BNIP2: variants seen among roughly 807,000 people sequenced by gnomAD.
BNIP2 encodes BCL2/adenovirus E1B 19 kDa protein-interacting protein 2.
Under a neutral mutation model 43.4 loss-of-function variants are expected in BNIP2, and 36 were observed. The ratio of observed to expected loss-of-function variants is 0.83; its 90% CI spans 0.64 to 1.10. The LOEUF (loss-of-function observed/expected upper bound fraction) is 1.10, where lower values mean the gene tolerates loss of function less well. BNIP2 is among the 50% of genes least tolerant of loss of function. BNIP2 has a pLI of 0.00. For missense variants in BNIP2, 417 were observed against 374.1 expected (o/e 1.11, Z -0.95); for synonymous variants, 146 against 121.0 (o/e 1.21, Z -1.35).
chr15:59,680,151 C>G, intron 3 of BNIP2, 90 bp downstream of exon 3: 4 of 991,928 alleles, frequency 4.0e-6, no homozygotes, highest in Non-Finnish European at 5.6e-6. Context: ...AATAAAAACT[C>G]AAGTTTTTTT....
At chr15:59,680,154 GTT>G (rs373856422) in intron 3 of BNIP2, 85 bp downstream of exon 3, 2,057 of 808,188 alleles carry the variant, frequency 2.5e-3, no homozygotes, top group South Asian at 4.3e-3. Context: ...AAAAACTCAA[GTT>G]TTTTTTTTTT....
In BNIP2 at chr15:59,678,065, A is replaced by C. The variant is rs755716391; in HGVS notation, c.318T>G (p.Thr106=). The C allele has an allele frequency of 2.7e-5, 44 of 1,603,818 alleles. No individual in the cohort carries two copies. Among genetic ancestry groups the C allele is most frequent in the Non-Finnish European group, 3.7e-5 (44 of 1,177,510 alleles). The change falls in exon 5 of 10, where the codon ACT becomes ACG. Residue 106 remains threonine (T), a synonymous_variant. Coordinates refer to ENST00000607373, the MANE Select transcript of BNIP2 (RefSeq NM_004330.4). ...TTGAGCCTTTCCTAATTACTTCAGT[A>C]GTCTTGGGTTTTGGAAGATCATCTG... The part of the protein sequence containing the change: ...EWEDDLPKPK[T]TEVIRKGSIT...
At position 59,678,021 on chromosome 15, in the gene BNIP2, G is replaced by C; in HGVS notation, c.362C>G (p.Ala121Gly). 1 of 1,613,904 alleles carries C rather than the reference G, an allele frequency of 6.2e-7. No individual in the cohort carries two copies. The highest frequency in any genetic ancestry group is 8.5e-7 in the Non-Finnish European group (1 of 1,179,872). The change falls in exon 5 of 10, where the codon GCA becomes GGA. Residue 121 changes from alanine (A) to glycine (G), a missense_variant. Coordinates refer to ENST00000607373, the MANE Select transcript of BNIP2 (RefSeq NM_004330.4). Reference protein sequence around the residue: ...RKGSITEYTAAEEKEDGRRWR... With the variant: ...RKGSITEYTAGEEKEDGRRWR... ...GCGTCGTCCATCTTCTTTTTCCTCT[G>C]CTGCTGTGTATTCAGTAATTGAGCC...
At chr15:59,681,958 T>A (rs1013065227) in intron 2 of BNIP2, among the ~76,000 whole-genome samples, 1 of 151,532 alleles carries the variant, frequency 6.6e-6, no homozygotes, top group Non-Finnish European at 1.5e-5. Context: ...GAAAGTAAGA[T>A]ACAAGAGAAT....
intron 9 of BNIP2, 87 bp from the exon 10 acceptor site, chr15:59,664,207 T>G: frequency 1.2e-6 from 1 of 858,602 alleles, no homozygotes. Context: ...CATAGAATAT[T>G]ACTCTGTTAA....
intron 1 of BNIP2, 65 bp downstream of exon 1, chr15:59,689,070 C>T: frequency 6.7e-7 from 1 of 1,497,928 alleles, no homozygotes; most frequent in Non-Finnish European, 8.9e-7. Flanking sequence ...CAGACTTTCG[C>T]CCCTAGGCCG....
Position 59,678,002 on chromosome 15 carries a change from T to C in BNIP2, c.381A>G (p.Gly127=). Residue 127 remains glycine (G), a synonymous_variant, in exon 5 of 10, where the codon GGA becomes GGG. Coordinates refer to ENST00000607373, the MANE Select transcript of BNIP2 (RefSeq NM_004330.4). ...CAATCCTGAACATACGCCAGCGTCGTCCATCTTCTTTTTCCTCTGCTGCTG... is the reference window on the plus strand; with the variant it reads ...CAATCCTGAACATACGCCAGCGTCGCCCATCTTCTTTTTCCTCTGCTGCTG... ...EYTAAEEKED[G]RRWRMFRIGE... The C allele has an allele frequency of 2.5e-6, 4 of 1,614,010 alleles. No individual in the cohort carries two copies. Among genetic ancestry groups the C allele is most frequent in the Non-Finnish European group, 3.4e-6 (4 of 1,179,870 alleles).
At chr15:59,670,243 C>A (rs773900806) in intron 7 of BNIP2, among the ~76,000 whole-genome samples, 2 of 152,114 alleles carry the variant, frequency 1.3e-5, no homozygotes, top group Non-Finnish European at 2.9e-5. Context: ...CCAGCCTGGG[C>A]AACATGTCAA....
At chr15:59,666,854 GAC>G (rs1892598390) in intron 9 of BNIP2, among the ~76,000 whole-genome samples, 2 of 151,560 alleles carry the variant, frequency 1.3e-5, no homozygotes, top group African/African-American at 4.8e-5. Flanking sequence ...ATAAAATAGT[GAC>G]AGGTTTCAAA....
chr15:59,677,959 C>T lies in BNIP2; in HGVS notation c.424G>A (p.Val142Ile). ...MFRIGEQDHR[V>I]DMKAIEPYKK... ...TAGGGTTCAATTGCCTTCATATCAA[C>T]CCTGTGGTCCTGTTCTCCAATCCTG... Residue 142 changes from valine to isoleucine, a missense_variant, in exon 5 of 10, where the codon GTT becomes ATT. By Grantham distance (29) the Val-to-Ile change is conservative. Coordinates refer to ENST00000607373, the MANE Select transcript of BNIP2 (RefSeq NM_004330.4). 1 of 1,613,714 alleles carries T rather than the reference C, an allele frequency of 6.2e-7. No individual in the cohort carries two copies. Among genetic ancestry groups the T allele is most frequent in the Non-Finnish European group, 8.5e-7 (1 of 1,179,802 alleles).
intron 3 of BNIP2, 34 bp from the exon 4 acceptor site, chr15:59,679,802 C>T (rs1893543276): frequency 1.4e-6 from 2 of 1,445,112 alleles, no homozygotes; most frequent in Non-Finnish European, 9.1e-7. Flanking sequence ...AGATACGTAA[C>T]AAGGAATGCT....
chr15:59,674,885 T>C (rs1386135952), intron 5 of BNIP2, among the ~76,000 whole-genome samples: 26 of 152,238 alleles, frequency 1.7e-4, no homozygotes, highest in African/African-American at 6.3e-4. Flanking sequence ...TTAAGCCTTG[T>C]ATTTTTGTAT....
chr15:59,688,250 T>C (rs1894145120), intron 1 of BNIP2, among the ~76,000 whole-genome samples: 1 of 152,218 alleles, frequency 6.6e-6, no homozygotes, highest in African/African-American at 2.4e-5. Context: ...AGGTCAGTTG[T>C]AACTTTGAGG....
chr15:59,682,262 G>T (rs1893730063), intron 2 of BNIP2, 146 bp downstream of exon 2: 2 of 579,530 alleles, frequency 3.5e-6, no homozygotes, highest in African/African-American at 1.9e-5. Context: ...AGGAGGCGGA[G>T]GTTGCAGTGA....
chr15:59,677,799 C>A, intron 5 of BNIP2, 112 bp downstream of exon 5: 1 of 1,299,642 alleles, frequency 7.7e-7, no homozygotes, highest in Non-Finnish European at 1.0e-6. Flanking sequence ...CTCAACCTAG[C>A]GCCTGTGTTC....
At chr15:59,677,440 A>G in intron 5 of BNIP2, 1 of 1,444,094 alleles carries the variant, frequency 6.9e-7, no homozygotes, top group Non-Finnish European at 9.2e-7. Flanking sequence ...CATTATGGAT[A>G]TAGTGCATCT....
intron 9 of BNIP2, among the ~76,000 whole-genome samples, chr15:59,665,957 T>C (rs1892543684): frequency 7.5e-6 from 1 of 133,646 alleles, no homozygotes; most frequent in Non-Finnish European, 1.6e-5. Context: ...ATTTAAAATA[T>C]TGTTATAAAA....
intron 2 of BNIP2, among the ~76,000 whole-genome samples, chr15:59,681,827 AAAAAC>A (rs762639130): frequency 1.3e-5 from 2 of 152,292 alleles, no homozygotes; most frequent in East Asian, 3.9e-4. Context: ...AAATGAAAAC[AAAAAC>A]AAAACAAAAC....
intron 5 of BNIP2, among the ~76,000 whole-genome samples, chr15:59,674,325 T>C (rs1172130102): frequency 1.3e-5 from 2 of 152,156 alleles, no homozygotes; most frequent in Admixed American, 1.3e-4. Flanking sequence ...CCTTTCTTAA[T>C]CACTCAGTCA....
Sources: gnomAD v4.1 joint callset for allele counts (sites outside exome capture counted in the v4.1 genomes callset) on GRCh38, gnomAD v4.1.1 for gene constraint, MANE v1.5 for transcripts, NCBI Gene and HGNC (gene_info 2026-07-23, HGNC 2026-07-21) for gene names.